Variants in BUB1B observed in about 807,000 individuals in gnomAD.
BUB1B encodes the protein BUB1 mitotic checkpoint serine/threonine kinase B, also known as mitotic checkpoint serine/threonine-protein kinase BUB1 beta.
Under a neutral mutation model 137.7 loss-of-function variants are expected in BUB1B, and 86 were observed. That is an observed-to-expected ratio of 0.62 (90% confidence interval 0.52 to 0.75). BUB1B has a LOEUF of 0.75. BUB1B is among the 30% of genes least tolerant of loss of function. The pLI is 0.00. For synonymous variants in BUB1B, 420 were observed against 417.9 expected (o/e 1.00, Z -0.06); for missense variants, 1,130 against 1,236.9 (o/e 0.91, Z 1.30).
intron 2 of BUB1B, among the ~76,000 whole-genome samples, chr15:40,168,376 A>AG (rs1164397805): frequency 1.3e-5 from 2 of 152,298 alleles, no homozygotes; most frequent in East Asian, 3.9e-4. Context: ...TCAAAAAAAA[A>AG]AGAAAAGGAA....
Position 40,199,604 on chromosome 15 carries a change from A to C in BUB1B, c.1289-11A>C, listed in dbSNP as rs1452166057. 3 of 1,610,516 alleles carry C rather than the reference A, an allele frequency of 1.9e-6. No individual in the cohort carries two copies. Among genetic ancestry groups the C allele is most frequent in the Non-Finnish European group, 2.5e-6 (3 of 1,176,800 alleles). On this transcript the variant is annotated splice_polypyrimidine_tract_variant and intron_variant, in intron 9 of 22. Transcript: ENST00000287598. ...GAGGAATAATACCTCAAGCAACTTTACTGTTTCTAGCCGAGCTATTGACCA... is the reference window on the plus strand; with the variant it reads ...GAGGAATAATACCTCAAGCAACTTTCCTGTTTCTAGCCGAGCTATTGACCA...
intron 8 of BUB1B, among the ~76,000 whole-genome samples, chr15:40,190,303 A>T (rs1566822129): frequency 6.6e-6 from 1 of 151,534 alleles, no homozygotes; most frequent in Non-Finnish European, 1.5e-5. Context: ...TTTTTATTTT[A>T]TTTTTTTTAG....
intron 6 of BUB1B, among the ~76,000 whole-genome samples, chr15:40,184,143 G>A (rs116714534): frequency 6.6e-6 from 1 of 152,228 alleles, no homozygotes; most frequent in African/African-American, 2.4e-5. Flanking sequence ...GTTGAAAGAA[G>A]ATATGTAGTA....
intron 4 of BUB1B, among the ~76,000 whole-genome samples, chr15:40,173,207 C>T (rs891169181): frequency 6.6e-6 from 1 of 151,294 alleles, no homozygotes; most frequent in Non-Finnish European, 1.5e-5. Context: ...ATCGCTTGAA[C>T]CCAGGAGACA....
chr15:40,166,062 G>C (rs1489914339), intron 2 of BUB1B, among the ~76,000 whole-genome samples: 1 of 152,198 alleles, frequency 6.6e-6, no homozygotes, highest in East Asian at 1.9e-4. Context: ...CATGTTGGCT[G>C]TGCTGGTCTT....
At chr15:40,161,910 A>T in intron 1 of BUB1B, among the ~76,000 whole-genome samples, 1 of 152,332 alleles carries the variant, frequency 6.6e-6, no homozygotes, top group Non-Finnish European at 1.5e-5. Context: ...CATTCATGTA[A>T]CAAGTATTTT....
At chr15:40,169,685 C>T (rs1459254421) in intron 2 of BUB1B, among the ~76,000 whole-genome samples, 2 of 141,536 alleles carry the variant, frequency 1.4e-5, no homozygotes, top group Non-Finnish European at 3.0e-5. Flanking sequence ...GCAATCTCTG[C>T]TCACTGCAGC....
At chr15:40,211,745 G>C (rs577694291) in intron 18 of BUB1B, among the ~76,000 whole-genome samples, 1 of 152,060 alleles carries the variant, frequency 6.6e-6, no homozygotes, top group Non-Finnish European at 1.5e-5. Flanking sequence ...TCTGGACTTC[G>C]AGAATAGGGG....
intron 8 of BUB1B, among the ~76,000 whole-genome samples, chr15:40,188,605 CAG>C (rs2037398274): frequency 7.5e-6 from 1 of 132,630 alleles, no homozygotes; most frequent in African/African-American, 3.0e-5. Context: ...TTTTTCGAGA[CAG>C]AGTCTTGCTC....
chr15:40,202,744 A>T lies in BUB1B; in HGVS notation c.1734+50A>T, dbSNP rs373618387. The T allele has an allele frequency of 6.1e-6, 9 of 1,479,456 alleles. No homozygotes were observed. The African/African-American group carries it at 1.2e-4, about 20-fold the overall frequency. 91.6% of individuals were successfully genotyped at this position (1,479,456 alleles called of 1,614,324 possible). On this transcript the variant is annotated intron_variant, in intron 14 of 22. Transcript: ENST00000287598. ...ATGTAAATGGGCTAGTGGATTGTTT[A>T]TTCAAAACCACAAAAGCTTAAGGTT... is the stretch of plus-strand genomic sequence containing the variant.
At chr15:40,162,119 A>G (rs1421950338) in intron 1 of BUB1B, among the ~76,000 whole-genome samples, 1 of 152,152 alleles carries the variant, frequency 6.6e-6, no homozygotes, top group African/African-American at 2.4e-5. Flanking sequence ...GTGCAATTTA[A>G]CTTGAACACT....
At chr15:40,178,730 T>A (rs1014733268) in intron 5 of BUB1B, among the ~76,000 whole-genome samples, 2 of 152,116 alleles carry the variant, frequency 1.3e-5, no homozygotes, top group Admixed American at 6.6e-5. Context: ...TGAAGTTCTT[T>A]TAGATGCATA....
chr15:40,210,234 C>T, intron 18 of BUB1B, 24 bp downstream of exon 18: 1 of 1,516,308 alleles, frequency 6.6e-7, no homozygotes, highest in Non-Finnish European at 9.2e-7. Context: ...TTTATAATTT[C>T]AGTTACTTTG....
chr15:40,208,084 C>T (rs1287633012), intron 15 of BUB1B, among the ~76,000 whole-genome samples: 2 of 150,754 alleles, frequency 1.3e-5, no homozygotes, highest in Non-Finnish European at 3.0e-5. Flanking sequence ...CGCACCACTG[C>T]CCTCCAGCCT....
chr15:40,176,510 A>G lies in BUB1B; in HGVS notation c.418A>G (p.Ser140Gly). Reference protein sequence around the residue: ...RLCNEPLDMYSYLHNQGIGVS... With the variant: ...RLCNEPLDMYGYLHNQGIGVS... ...ATGCAATGAGCCTTTGGATATGTAC[A>G]GTTACTTGCACAACCAAGGGATTGG... Residue 140 changes from serine to glycine, a missense_variant, in exon 5 of 23, where the codon AGT becomes GGT. Ser to Gly is a moderately conservative substitution (Grantham distance 56). Coordinates refer to ENST00000287598, the MANE Select transcript of BUB1B (RefSeq NM_001211.6). 6.2e-7 allele frequency: 1 copy of G among 1,614,146 alleles called. No individual in the cohort carries two copies. Among genetic ancestry groups the G allele is most frequent in the African/African-American group, 1.3e-5 (1 of 75,046 alleles).
At chr15:40,215,533 G>A (rs1390637898) in intron 20 of BUB1B, among the ~76,000 whole-genome samples, 7 of 152,108 alleles carry the variant, frequency 4.6e-5, no homozygotes, top group Admixed American at 3.3e-4. Context: ...ATTTTGGGAG[G>A]CCGAGGCGGG....
intron 13 of BUB1B, 23 bp downstream of exon 13, chr15:40,202,488 T>C: frequency 6.2e-7 from 1 of 1,606,634 alleles, no homozygotes; most frequent in Non-Finnish European, 8.5e-7. Context: ...TTTGTTTTTT[T>C]GGTTTTTTTT....
chr15:40,216,571 A>ATTTTT (rs71426368), intron 20 of BUB1B, among the ~76,000 whole-genome samples: 1 of 83,050 alleles, frequency 1.2e-5, no homozygotes, highest in African/African-American at 6.1e-5. Context: ...ATATATATAT[A>ATTTTT]TTTTTTTTTT....
At chr15:40,209,115 T>A (rs1316666930) in intron 16 of BUB1B, among the ~76,000 whole-genome samples, 1 of 152,162 alleles carries the variant, frequency 6.6e-6, no homozygotes, top group East Asian at 1.9e-4. Flanking sequence ...GTCTATGTGT[T>A]TTTCCTTCTT....
Sources: allele counts gnomAD v4.1 joint callset (sites outside exome capture counted in the v4.1 genomes callset), GRCh38; gene constraint gnomAD v4.1.1; transcripts MANE v1.5; gene names NCBI Gene and HGNC (gene_info 2026-07-23, HGNC 2026-07-21).